The following ARK2N variants were observed in gnomAD, a reference collection of about 807,000 sequenced individuals.
The protein encoded by ARK2N is protein ARK2N.
At chr18:46,218,286 G>T in the ARK2N span, 1 of 152,174 alleles carries the variant, frequency 6.6e-6, no homozygotes, top group Non-Finnish European at 1.5e-5. Flanking sequence ...ACCAGTGTCT[G>T]TTTCTTGTCT....
At chr18:46,249,386 C>T in the ARK2N span, among the ~76,000 whole-genome samples, 1 of 152,120 alleles carries the variant, frequency 6.6e-6, no homozygotes, top group South Asian at 2.1e-4. Flanking sequence ...CCCGCCACCA[C>T]GCCCGGCTAA....
chr18:46,229,440 C>T, the ARK2N span, among the ~76,000 whole-genome samples: 5 of 151,940 alleles, frequency 3.3e-5, no homozygotes, highest in South Asian at 2.1e-4. Flanking sequence ...CTCCGTCTCC[C>T]GGGTTCATGC....
the ARK2N span, chr18:46,232,246 G>A: frequency 6.6e-6 from 1 of 152,138 alleles, no homozygotes; most frequent in Admixed American, 6.5e-5. Context: ...AACAGGCTTT[G>A]TGTTATCATT....
chr18:46,240,157 G>C, the ARK2N span: 5 of 1,613,980 alleles, frequency 3.1e-6, no homozygotes, highest in Non-Finnish European at 4.2e-6. Context: ...GAGGACCAGC[G>C]GGCTTCTAGA....
At chr18:46,228,905 A>G in the ARK2N span, 1 of 398,226 alleles carries the variant, frequency 2.5e-6, no homozygotes, top group Non-Finnish European at 4.4e-6. Context: ...AGGTAAGAAT[A>G]ACATTTTGAA....
At chr18:46,210,489 A>G in the ARK2N span, among the ~76,000 whole-genome samples, 1 of 152,180 alleles carries the variant, frequency 6.6e-6, no homozygotes, top group South Asian at 2.1e-4. Context: ...TGATTGTGGT[A>G]CCTTTCCAAA....
chr18:46,223,511 CA>C, the ARK2N span, among the ~76,000 whole-genome samples: 1 of 152,226 alleles, frequency 6.6e-6, no homozygotes, highest in South Asian at 2.1e-4. Context: ...CTAGGAGAAA[CA>C]GTTATATTTG....
At chr18:46,247,697 G>T in the ARK2N span, among the ~76,000 whole-genome samples, 3 of 152,180 alleles carry the variant, frequency 2.0e-5, no homozygotes, top group African/African-American at 7.2e-5. Flanking sequence ...GATTGAGATG[G>T]CATCTTGCTC....
At chr18:46,216,658 A>G in the ARK2N span, 1 of 1,365,298 alleles carries the variant, frequency 7.3e-7, no homozygotes, top group South Asian at 1.4e-5. This position sits in a 1 kb window ranked among gnomAD's most constrained non-coding sequence, Gnocchi z 4.3. Context: ...TATCAGGTTC[A>G]GTTAGATGAG....
At chr18:46,227,053 C>T in the ARK2N span, among the ~76,000 whole-genome samples, 1 of 152,244 alleles carries the variant, frequency 6.6e-6, no homozygotes, top group South Asian at 2.1e-4. Flanking sequence ...AGGTGATCCA[C>T]CCACCTCCAC....
chr18:46,225,654 G>T, the ARK2N span, among the ~76,000 whole-genome samples: 1 of 152,122 alleles, frequency 6.6e-6, no homozygotes, highest in African/African-American at 2.4e-5. Context: ...TAGAGACAGG[G>T]TTTCACTATG....
At chr18:46,252,724 A>G in the ARK2N span, among the ~76,000 whole-genome samples, 1 of 152,132 alleles carries the variant, frequency 6.6e-6, no homozygotes, top group Admixed American at 6.5e-5. Flanking sequence ...TGTTTATTCT[A>G]TGTTAACTCC....
the ARK2N span, among the ~76,000 whole-genome samples, chr18:46,203,871 G>T: frequency 6.6e-6 from 1 of 152,164 alleles, no homozygotes; most frequent in Non-Finnish European, 1.5e-5. Flanking sequence ...ACAGGTGTGA[G>T]CCACCGCAAC....
the ARK2N span, among the ~76,000 whole-genome samples, chr18:46,236,233 G>A: frequency 6.6e-6 from 1 of 151,994 alleles, no homozygotes; most frequent in African/African-American, 2.4e-5. Context: ...GGCTAGTCTC[G>A]AACTCCTGGG....
the ARK2N span, among the ~76,000 whole-genome samples, chr18:46,193,985 G>A: frequency 6.6e-6 from 1 of 152,078 alleles, no homozygotes; most frequent in East Asian, 1.9e-4. Context: ...TTTAAGTTCA[G>A]TGCCCCTAAC....
chr18:46,224,435 G>A, the ARK2N span, among the ~76,000 whole-genome samples: 1 of 152,184 alleles, frequency 6.6e-6, no homozygotes, highest in Non-Finnish European at 1.5e-5. Flanking sequence ...ATTGTGTAAT[G>A]ATTGAGTATG....
chr18:46,248,109 G>C, the ARK2N span, among the ~76,000 whole-genome samples: 1 of 152,240 alleles, frequency 6.6e-6, no homozygotes, highest in Non-Finnish European at 1.5e-5. Flanking sequence ...ATGAGTAACA[G>C]TCATGGAGTC....
At chr18:46,212,487 G>A in the ARK2N span, among the ~76,000 whole-genome samples, 11 of 151,986 alleles carry the variant, frequency 7.2e-5, no homozygotes, top group Non-Finnish European at 1.3e-4. Context: ...AATTGCGTGA[G>A]AACTGTTTCT....
chr18:46,206,727 T>C, the ARK2N span, among the ~76,000 whole-genome samples: 1 of 152,274 alleles, frequency 6.6e-6, no homozygotes, highest in African/African-American at 2.4e-5. Context: ...TGTTAGTACC[T>C]TTTAACCCAC....
Sources: gnomAD v4.1 joint callset for allele counts (sites outside exome capture counted in the v4.1 genomes callset) on GRCh38, gnomAD v4.1.1 for gene constraint, Gnocchi (gnomAD v3.1) non-coding constraint, MANE v1.5 for transcripts, NCBI Gene and HGNC (gene_info 2026-07-23, HGNC 2026-07-21) for gene names.